ARHGAP26: variants seen among roughly 807,000 people sequenced by gnomAD.
The protein encoded by ARHGAP26 is rho GTPase-activating protein 26.
ARHGAP26 carries 38 observed loss-of-function variants against 104.8 expected under a neutral mutation model. The observed-to-expected ratio is 0.36, with a 90% CI of 0.28 to 0.48. The LOEUF is 0.48. ARHGAP26 is among the 20% of genes least tolerant of loss of function. The pLI is 0.99. For missense variants in ARHGAP26, 704 were observed against 947.9 expected, an observed-to-expected ratio of 0.74 and a Z score of 3.38; for synonymous variants, 341 against 340.0, an observed-to-expected ratio of 1.00 and a Z score of -0.03.
At chr5:142,891,430 C>T (rs571800537) in intron 5 of ARHGAP26, among the ~76,000 whole-genome samples, 1 of 152,036 alleles carries the variant, frequency 6.6e-6, no homozygotes, top group Non-Finnish European at 1.5e-5. Context: ...GCATGAGAGA[C>T]TTGAATATAT....
In ARHGAP26 at chr5:143,199,287, T is replaced by C. The variant is rs114722592; in HGVS notation, c.1989-7911T>C. Among the ~76,000 whole-genome samples, 1,339 of 152,326 alleles carry C rather than the reference T, an allele frequency of 8.8e-3. 28 individuals carry two copies. The highest frequency in any genetic ancestry group is 0.031 in the African/African-American group (1,293 of 41,576). The stretch of plus-strand genomic sequence containing the variant: ...AAAATCCAGGAGGTTAGGACTTATA[T>C]AGGATTTCTTTGTTGTAAAAGCTTG... On this transcript the variant is annotated intron_variant, in intron 20 of 22. Coordinates refer to ENST00000645722, the MANE Select transcript of ARHGAP26 (RefSeq NM_001135608.3).
In ARHGAP26 at chr5:143,160,744, G is replaced by A. The variant is rs931423415; in HGVS notation, c.1988+13363G>A. On this transcript the variant is annotated intron_variant, in intron 20 of 22. Transcript: ENST00000645722. ...TCCTCCCACCTCGGCATCCCAAAGT[G>A]CTGGGATTACAGGTGTGAGTCATTG... is the stretch of plus-strand genomic sequence containing the variant. Among the ~76,000 whole-genome samples the A allele has an allele frequency of 5.3e-4, 81 of 152,176 alleles. 1 individual carries two copies. Among genetic ancestry groups the A allele is most frequent in the African/African-American group, 1.9e-3 (79 of 41,430 alleles).
At chr5:142,980,111 A>C (rs918263513) in intron 11 of ARHGAP26, among the ~76,000 whole-genome samples, 1 of 152,128 alleles carries the variant, frequency 6.6e-6, no homozygotes, top group Non-Finnish European at 1.5e-5. Flanking sequence ...GCCATTGATT[A>C]GTTTCCCTGT....
At chr5:142,795,613 T>TC (rs1371515637) in intron 1 of ARHGAP26, among the ~76,000 whole-genome samples, 1 of 152,208 alleles carries the variant, frequency 6.6e-6, no homozygotes, top group East Asian at 1.9e-4. Context: ...TTGTTTTGCT[T>TC]CCAGCCCCAA....
rs531076880 is a variant in ARHGAP26, at chr5:143,122,330, G to A, written c.1698+1183G>A. ...ACATTCCTACTTCAAGGCCTTCGCA[G>A]TTGCTGTTCCCAGTGGTTGGAACAC... On this transcript the variant is annotated intron_variant, in intron 18 of 22. Transcript: ENST00000645722. Among the ~76,000 whole-genome samples the A allele has an allele frequency of 3.3e-5, 5 of 152,246 alleles. No individual in the cohort carries two copies. The East Asian group carries it at 9.6e-4, about 29-fold the overall frequency.
At chr5:142,994,183 A>G (rs1034283561) in intron 11 of ARHGAP26, among the ~76,000 whole-genome samples, 2 of 152,212 alleles carry the variant, frequency 1.3e-5, no homozygotes, top group African/African-American at 4.8e-5. Flanking sequence ...AGACTGAGGG[A>G]GTTGAAGGCA....
intron 11 of ARHGAP26, among the ~76,000 whole-genome samples, chr5:142,936,510 T>C (rs1562112116): frequency 6.6e-6 from 1 of 152,166 alleles, no homozygotes; most frequent in Non-Finnish European, 1.5e-5. Context: ...TTCTTATAGA[T>C]ACAGACAAGC....
rs142383125 is a variant in ARHGAP26 at position 142,827,916 on chromosome 5, A to AT, written c.155-45478dup. On this transcript the variant is annotated intron_variant, in intron 1 of 22. Transcript: ENST00000645722. ...TCCGGGAAGTGTAGATACTGCTTTT[A>AT]TTTTTTAAATACTGTTGTTTATGCT... is the stretch of plus-strand genomic sequence containing the variant. 5.6e-3 allele frequency among the ~76,000 whole-genome samples: 856 copies of AT among 152,162 alleles called. 18 individuals carry two copies. The East Asian group carries it at 0.064, about 11-fold the overall frequency.
chr5:143,133,362 T>G lies in ARHGAP26; in HGVS notation c.1699-605T>G, dbSNP rs571316163. Among the ~76,000 whole-genome samples, 17 of 152,340 alleles carry G rather than the reference T, an allele frequency of 1.1e-4. No homozygotes were observed. In the South Asian group the frequency reaches 1.9e-3, roughly 17 times the overall value. On this transcript the variant is annotated intron_variant, in intron 18 of 22. Transcript: ENST00000645722. ...TCCATAGTACGTGTGTGGGTGTGTG[T>G]GTGTTACTTTTATCAAGATAAACGA...
chr5:143,029,399 T>TG, intron 12 of ARHGAP26, among the ~76,000 whole-genome samples: 1 of 103,848 alleles, frequency 9.6e-6, no homozygotes, highest in African/African-American at 8.9e-5. Context: ...TCAGTTTTTT[T>TG]TTTTTTTTTT....
At chr5:143,020,125 C>G (rs1159519257) in intron 12 of ARHGAP26, among the ~76,000 whole-genome samples, 1 of 152,190 alleles carries the variant, frequency 6.6e-6, no homozygotes, top group Non-Finnish European at 1.5e-5. Context: ...GGAGTCCAGG[C>G]TTCCTGTAGC....
At chr5:143,063,839 A>C (rs1278895287) in intron 17 of ARHGAP26, among the ~76,000 whole-genome samples, 1 of 152,162 alleles carries the variant, frequency 6.6e-6, no homozygotes, top group Non-Finnish European at 1.5e-5. Context: ...GAGCTCCCAC[A>C]GCCTTTGCTT....
chr5:143,187,852 G>A (rs754407706), intron 20 of ARHGAP26, among the ~76,000 whole-genome samples: 14 of 152,208 alleles, frequency 9.2e-5, no homozygotes, highest in African/African-American at 1.7e-4. Flanking sequence ...GCAGGACTTC[G>A]TGTTGTTGCT....
rs372066159 is a variant in ARHGAP26, at chr5:143,153,023, C to T, written c.1988+5642C>T. On this transcript the variant is annotated intron_variant, in intron 20 of 22. Coordinates refer to ENST00000645722, the MANE Select transcript of ARHGAP26 (RefSeq NM_001135608.3). ...GACACAAGTCCTGTGAGTTTGTGAC[C>T]GCGGAGTCATGGGCAGCTGTCTTGG... Among the ~76,000 whole-genome samples, 161 of 152,140 alleles carry T rather than the reference C, an allele frequency of 1.1e-3. 1 individual carries two copies. In the South Asian group the frequency reaches 0.024, roughly 22 times the overall value.
intron 18 of ARHGAP26, among the ~76,000 whole-genome samples, chr5:143,126,622 T>G (rs368442943): frequency 6.9e-4 from 105 of 152,278 alleles, no homozygotes; most frequent in African/African-American, 2.4e-3. Context: ...TAGAGAGAGA[T>G]TCTTAATTTG....
chr5:142,890,147 AAAAAATATAT>A (rs1266663391), intron 5 of ARHGAP26, among the ~76,000 whole-genome samples: 1 of 78,572 alleles, frequency 1.3e-5, no homozygotes, highest in African/African-American at 5.8e-5. Flanking sequence ...AAAAAAAAAA[AAAAAATATAT>A]ATATATATAT....
chr5:143,020,443 A>G (rs1780158993), intron 12 of ARHGAP26, among the ~76,000 whole-genome samples: 1 of 152,184 alleles, frequency 6.6e-6, no homozygotes, highest in Admixed American at 6.5e-5. Context: ...AACCATCTAC[A>G]GAAGTACCCA....
chr5:142,773,732 C>G (rs1237675882), intron 1 of ARHGAP26, among the ~76,000 whole-genome samples: 1 of 152,158 alleles, frequency 6.6e-6, no homozygotes, highest in African/African-American at 2.4e-5. Context: ...TATGTCTTGG[C>G]TTTGTAAAGC....
At chr5:142,795,286 AC>A (rs2151933628) in intron 1 of ARHGAP26, among the ~76,000 whole-genome samples, 1 of 150,226 alleles carries the variant, frequency 6.7e-6, no homozygotes, top group East Asian at 1.9e-4. Flanking sequence ...GAAAGTGACC[AC>A]CTCGTAGGGT....
Sources: gnomAD v4.1 joint callset for allele counts (sites outside exome capture counted in the v4.1 genomes callset) on GRCh38, gnomAD v4.1.1 for gene constraint, MANE v1.5 for transcripts, NCBI Gene and HGNC (gene_info 2026-07-23, HGNC 2026-07-21) for gene names.